The following PGM5 variants were observed in gnomAD, a reference collection of about 807,000 sequenced individuals.
The protein encoded by PGM5 is phosphoglucomutase-like protein 5.
In PGM5, 23 loss-of-function variants were observed where a neutral mutation model predicts 59.2. The ratio of observed to expected loss-of-function variants is 0.39; its 90% CI spans 0.28 to 0.55. The LOEUF (loss-of-function observed/expected upper bound fraction) is 0.55. Ranked by LOEUF, PGM5 falls within the 20% of genes least tolerant of loss-of-function variation. The probability of loss-of-function intolerance (pLI) is 0.66; values close to 1 mark genes in which losing one functional copy is unlikely to be tolerated. For synonymous variants in PGM5, 214 were observed against 286.0 expected, an observed-to-expected ratio of 0.75 and a Z score of 2.54; for missense variants, 574 against 748.3, an observed-to-expected ratio of 0.77 and a Z score of 2.72.
intron 6 of PGM5, among the ~76,000 whole-genome samples, chr9:68,410,542 GTGATGAGGATGA>G (rs1407560007): frequency 3.9e-5 from 6 of 152,024 alleles, no homozygotes; most frequent in Admixed American, 3.9e-4. Flanking sequence ...TTTGATGATG[GTGATGAGGATGA>G]TGATGAGGAG....
intron 9 of PGM5, chr9:68,498,275 A>G (rs1336478383): frequency 1.3e-5 from 2 of 152,158 alleles, no homozygotes; most frequent in Non-Finnish European, 2.9e-5. Flanking sequence ...ATGGCAATAT[A>G]AATTGATAGT....
intron 6 of PGM5, among the ~76,000 whole-genome samples, chr9:68,431,675 G>A (rs1554683042): frequency 1.3e-5 from 2 of 152,132 alleles, no homozygotes; most frequent in African/African-American, 4.8e-5. Flanking sequence ...ACAGCTAGAA[G>A]GGCAAAATAC....
chr9:68,392,746 C>T (rs1554679634), intron 6 of PGM5, among the ~76,000 whole-genome samples: 2 of 151,982 alleles, frequency 1.3e-5, no homozygotes, highest in African/African-American at 4.8e-5. Flanking sequence ...ATAGTGGTAT[C>T]TTTATATGGA....
intron 6 of PGM5, among the ~76,000 whole-genome samples, chr9:68,452,091 C>A (rs1479433214): frequency 6.6e-6 from 1 of 152,218 alleles, no homozygotes; most frequent in African/African-American, 2.4e-5. Flanking sequence ...CTGCTCCATT[C>A]ACCTTTATCT....
intron 10 of PGM5, among the ~76,000 whole-genome samples, chr9:68,508,636 C>G (rs2132111405): frequency 6.6e-6 from 1 of 152,320 alleles, no homozygotes; most frequent in Non-Finnish European, 1.5e-5. Flanking sequence ...CTTGTTTACT[C>G]AGCCTGAAAA....
chr9:68,391,739 T>A lies in PGM5; in HGVS notation c.888+15T>A. On this transcript the variant is annotated intron_variant, in intron 5 of 10. Transcript: ENST00000396396. ...ATGCTGATGGGGTAAGTAGGAAAGCTGTCTGTCTGCTGACCCTTTGATCAT... is the reference window on the plus strand; with the variant it reads ...ATGCTGATGGGGTAAGTAGGAAAGCAGTCTGTCTGCTGACCCTTTGATCAT... 6.2e-7 allele frequency: 1 copy of A among 1,612,184 alleles called. No homozygotes were observed. Among genetic ancestry groups the A allele is most frequent in the Non-Finnish European group, 8.5e-7 (1 of 1,178,652 alleles).
chr9:68,527,085 C>G (rs1285401179), intron 10 of PGM5, among the ~76,000 whole-genome samples: 3 of 152,048 alleles, frequency 2.0e-5, no homozygotes, highest in Non-Finnish European at 4.4e-5. Context: ...GTGGAAAGCA[C>G]GCGTTAGTTT....
At chr9:68,432,956 A>G (rs1048987476) in intron 6 of PGM5, among the ~76,000 whole-genome samples, 5 of 152,166 alleles carry the variant, frequency 3.3e-5, no homozygotes, top group Non-Finnish European at 7.4e-5. Flanking sequence ...TTATACCATG[A>G]TGGAATCTTG....
chr9:68,503,394 A>C (rs920045452), intron 10 of PGM5, among the ~76,000 whole-genome samples: 19 of 152,256 alleles, frequency 1.2e-4, no homozygotes, highest in Non-Finnish European at 2.1e-4. Flanking sequence ...AAAGTGTTGA[A>C]TATCTCATGA....
chr9:68,477,722 A>C (rs1404629330), intron 7 of PGM5, among the ~76,000 whole-genome samples: 13 of 152,236 alleles, frequency 8.5e-5, no homozygotes, highest in Admixed American at 8.5e-4. Flanking sequence ...CAACAACAAG[A>C]TCAACAGCAA....
chr9:68,447,898 C>T lies in PGM5; in HGVS notation c.1044-17195C>T, dbSNP rs1823639355. On this transcript the variant is annotated intron_variant, in intron 6 of 10. Transcript: ENST00000396396. ...TTTAATCTCTTGGTAATTCAGTTTT[C>T]CAGTTAGTAGTCTGAGGATACTGGT... is the stretch of plus-strand genomic sequence containing the variant. Among the ~76,000 whole-genome samples the T allele has an allele frequency of 4.6e-5, 7 of 152,254 alleles. No individual in the cohort carries two copies. The South Asian group carries it at 1.4e-3, about 32-fold the overall frequency.
At chr9:68,457,613 ACTAT>A (rs1382386726) in intron 6 of PGM5, among the ~76,000 whole-genome samples, 2 of 152,248 alleles carry the variant, frequency 1.3e-5, no homozygotes, top group African/African-American at 2.4e-5. Context: ...TTTCTATAAT[ACTAT>A]CTAAGAAAAC....
chr9:68,524,519 A>G (rs2132121234), intron 10 of PGM5, among the ~76,000 whole-genome samples: 1 of 152,368 alleles, frequency 6.6e-6, no homozygotes, highest in East Asian at 1.9e-4. Flanking sequence ...CTCTAACATA[A>G]TTGATTAAAG....
intron 1 of PGM5, among the ~76,000 whole-genome samples, chr9:68,372,833 A>G (rs1444348701): frequency 1.3e-5 from 2 of 152,070 alleles, no homozygotes; most frequent in African/African-American, 4.8e-5. Flanking sequence ...GAGCAAGAGA[A>G]CAAAAGAGAA....
chr9:68,471,883 C>T (rs1458072434), intron 7 of PGM5, among the ~76,000 whole-genome samples: 1 of 151,562 alleles, frequency 6.6e-6, no homozygotes, highest in Non-Finnish European at 1.5e-5. Flanking sequence ...CGTGCTACTG[C>T]ACTCCAGCCT....
In PGM5 at chr9:68,437,316, A is replaced by G. The variant is rs1465794235; in HGVS notation, c.1044-27777A>G. The stretch of plus-strand genomic sequence containing the variant: ...TTGAAGGAAGAGACTCTGATAGAGG[A>G]TATTGTTAGTGGAGAAAAGGAAGCT... On this transcript the variant is annotated intron_variant, in intron 6 of 10. Transcript: ENST00000396396. This position sits in a 1 kb window ranked among gnomAD's most constrained non-coding sequence, Gnocchi z 4.1. 3.3e-5 allele frequency among the ~76,000 whole-genome samples: 5 copies of G among 152,126 alleles called. No individual in the cohort carries two copies. The highest frequency in any genetic ancestry group is 1.2e-4 in the African/African-American group (5 of 41,420).
chr9:68,467,081 C>T (rs1363105439), intron 7 of PGM5, among the ~76,000 whole-genome samples: 1 of 152,168 alleles, frequency 6.6e-6, no homozygotes, highest in Non-Finnish European at 1.5e-5. Context: ...AGAAGGGCTT[C>T]ATCCTTGTCT....
intron 6 of PGM5, among the ~76,000 whole-genome samples, chr9:68,435,164 A>T (rs534027202): frequency 1.7e-4 from 26 of 152,234 alleles, no homozygotes; most frequent in African/African-American, 5.8e-4. Context: ...CCTCCCTTTT[A>T]TTCTTTATCT....
chr9:68,476,721 G>A (rs896412889), intron 7 of PGM5, among the ~76,000 whole-genome samples: 1 of 152,202 alleles, frequency 6.6e-6, no homozygotes, highest in Non-Finnish European at 1.5e-5. Flanking sequence ...CTTGGCAAAT[G>A]TTTAACTTGT....
Sources: allele counts gnomAD v4.1 joint callset (sites outside exome capture counted in the v4.1 genomes callset), GRCh38; gene constraint gnomAD v4.1.1; non-coding constraint Gnocchi (gnomAD v3.1); transcripts MANE v1.5; gene names NCBI Gene and HGNC (gene_info 2026-07-23, HGNC 2026-07-21).